Variants in DACH1 observed in about 807,000 individuals in gnomAD.
DACH1 encodes the protein dachshund homolog 1.
A neutral mutation model predicts 54.2 loss-of-function variants in DACH1; 12 were observed. That is an observed-to-expected ratio of 0.22 (90% CI 0.14 to 0.36). The LOEUF (loss-of-function observed/expected upper bound fraction) is 0.36, where lower values mean the gene tolerates loss of function less well. Ranked by LOEUF, DACH1 falls within the 10% of genes least tolerant of loss-of-function variation. The pLI, the probability that DACH1 is intolerant of heterozygous loss-of-function variation, is 1.00. For synonymous variants in DACH1, 386 were observed against 366.2 expected (o/e 1.05, Z -0.62); for missense variants, 805 against 929.8 (o/e 0.87, Z 1.75).
intron 1 of DACH1, among the ~76,000 whole-genome samples, chr13:71,698,214 T>C (rs1881930136): frequency 1.3e-5 from 2 of 151,712 alleles, no homozygotes; most frequent in Non-Finnish European, 2.9e-5. Flanking sequence ...AAGTAAATAA[T>C]AAAACAAATG....
intron 2 of DACH1, among the ~76,000 whole-genome samples, chr13:71,634,849 C>T (rs1230499754): frequency 6.6e-6 from 1 of 152,102 alleles, no homozygotes; most frequent in Non-Finnish European, 1.5e-5. Context: ...TGGTTTGAGG[C>T]CTCTGCAACT....
intron 1 of DACH1, among the ~76,000 whole-genome samples, chr13:71,785,423 C>T (rs1171533620): frequency 6.6e-6 from 1 of 152,158 alleles, no homozygotes; most frequent in African/African-American, 2.4e-5. Context: ...GTATATTATG[C>T]ATTTAAGTTA....
At chr13:71,771,888 A>T (rs557424398) in intron 1 of DACH1, among the ~76,000 whole-genome samples, 1 of 151,468 alleles carries the variant, frequency 6.6e-6, no homozygotes, top group African/African-American at 2.4e-5. Context: ...GAAGATGAGT[A>T]AAGGATGAAA....
At chr13:71,824,251 A>G (rs1437152112) in intron 1 of DACH1, among the ~76,000 whole-genome samples, 2 of 151,868 alleles carry the variant, frequency 1.3e-5, no homozygotes, top group Non-Finnish European at 1.5e-5. Flanking sequence ...TATTATTATT[A>G]TTTAAAAGAT....
At chr13:71,727,572 G>A (rs988319920) in intron 1 of DACH1, among the ~76,000 whole-genome samples, 5 of 152,140 alleles carry the variant, frequency 3.3e-5, no homozygotes, top group Admixed American at 6.5e-5. Context: ...AAAGATGTAG[G>A]TTATAGGTCT....
intron 6 of DACH1, among the ~76,000 whole-genome samples, 177 bp downstream of exon 6, chr13:71,556,847 T>C (rs1476100243): frequency 1.3e-5 from 2 of 152,116 alleles, no homozygotes; most frequent in Non-Finnish European, 1.5e-5. Context: ...AGGTCTTCAT[T>C]CTTATCTCTT....
At chr13:71,456,365 A>G (rs1048351765) in intron 10 of DACH1, among the ~76,000 whole-genome samples, 2 of 152,078 alleles carry the variant, frequency 1.3e-5, no homozygotes, top group African/African-American at 2.4e-5. Context: ...CATTAAAATT[A>G]ATAGCTTGTG....
chr13:71,579,641 A>C (rs1031874463), intron 3 of DACH1, among the ~76,000 whole-genome samples: 3 of 152,138 alleles, frequency 2.0e-5, no homozygotes, highest in Non-Finnish European at 4.4e-5. Context: ...GAACTCATAA[A>C]ATTTATTTAA....
At chr13:71,698,403 G>A (rs17088406) in intron 1 of DACH1, among the ~76,000 whole-genome samples, 38,073 of 151,996 alleles carry the variant, frequency 0.25, 12,535 homozygotes, top group African/African-American at 0.76. Context: ...ATACTGATAC[G>A]ACACTGGTAG....
At chr13:71,698,497 G>A (rs529871542) in intron 1 of DACH1, among the ~76,000 whole-genome samples, 2 of 151,980 alleles carry the variant, frequency 1.3e-5, no homozygotes, top group South Asian at 4.1e-4. Context: ...CTTTTATATT[G>A]ATAAATCTAA....
chr13:71,528,428 T>TC (rs1046970422), intron 6 of DACH1, among the ~76,000 whole-genome samples: 7 of 142,886 alleles, frequency 4.9e-5, no homozygotes, highest in South Asian at 2.3e-4. Flanking sequence ...AGATTTTCTT[T>TC]TTTTTTTTTT....
chr13:71,648,401 C>A (rs537660764), intron 2 of DACH1, among the ~76,000 whole-genome samples: 5 of 151,772 alleles, frequency 3.3e-5, no homozygotes, highest in African/African-American at 1.2e-4. Flanking sequence ...AGAGAGGCGA[C>A]GAGAAGAGAG....
At chr13:71,702,988 G>T (rs1456873055) in intron 1 of DACH1, among the ~76,000 whole-genome samples, 1 of 152,042 alleles carries the variant, frequency 6.6e-6, no homozygotes, top group Non-Finnish European at 1.5e-5. Flanking sequence ...CATATTTATT[G>T]CCATCTCAAC....
At chr13:71,729,266 C>T (rs1334348458) in intron 1 of DACH1, among the ~76,000 whole-genome samples, 2 of 151,942 alleles carry the variant, frequency 1.3e-5, no homozygotes, top group East Asian at 1.9e-4. Flanking sequence ...TTCATAGCCC[C>T]TTTAGATTAA....
chr13:71,730,604 TACAC>T (rs989627491), intron 1 of DACH1, among the ~76,000 whole-genome samples: 4 of 152,208 alleles, frequency 2.6e-5, no homozygotes, highest in African/African-American at 9.6e-5. Flanking sequence ...TGCACACACA[TACAC>T]ACATATATGT....
In DACH1 at chr13:71,866,544, C is replaced by CGCCGCA. The variant is rs1460661573; in HGVS notation, c.225_226insTGCGGC (p.Gly75_Gly76insCysGly). On this transcript the variant is annotated inframe_insertion, in exon 1 of 11. Transcript: ENST00000613252. ...CCTCCGCTGCCGCCGCCGCCGCCGC[C>CGCCGCA]GCCGCCGGTAGAGGTGACTGTGGCC... 3.2e-5 allele frequency: 40 copies of CGCCGCA among 1,245,374 alleles called. No individual in the cohort carries two copies. Among genetic ancestry groups the CGCCGCA allele is most frequent in the Non-Finnish European group, 3.5e-5 (35 of 991,660 alleles). 77.1% of individuals were successfully genotyped at this position (1,245,374 alleles called of 1,614,324 possible). A position where few individuals can be genotyped will look rare whatever the true frequency, so the allele number is the denominator to read the frequency against.
intron 2 of DACH1, chr13:71,675,532 T>A: frequency 1.9e-6 from 2 of 1,049,754 alleles, no homozygotes; most frequent in South Asian, 2.7e-5. Flanking sequence ...TTTTTTCTCT[T>A]CTTCCTGTTA....
intron 6 of DACH1, among the ~76,000 whole-genome samples, chr13:71,547,325 G>A (rs1259659991): frequency 6.6e-6 from 1 of 152,050 alleles, no homozygotes; most frequent in Non-Finnish European, 1.5e-5. Context: ...AACCTTAACA[G>A]TAAATTAGGA....
intron 6 of DACH1, among the ~76,000 whole-genome samples, chr13:71,535,836 C>T (rs1882746098): frequency 6.6e-6 from 1 of 151,676 alleles, no homozygotes. Flanking sequence ...ATGTTTTGAA[C>T]AATAGTTTAA....
Sources: gnomAD v4.1 joint callset for allele counts (sites outside exome capture counted in the v4.1 genomes callset) on GRCh38, gnomAD v4.1.1 for gene constraint, MANE v1.5 for transcripts, NCBI Gene and HGNC (gene_info 2026-07-23, HGNC 2026-07-21) for gene names.